STOM: variants seen among roughly 807,000 people sequenced by gnomAD.
The protein encoded by STOM is erythrocyte band 7 integral membrane protein.
STOM carries 25 observed loss-of-function variants against 30.6 expected under a neutral mutation model. The observed-to-expected ratio is 0.82, with a 90% confidence interval of 0.60 to 1.14. The LOEUF (loss-of-function observed/expected upper bound fraction) is 1.14. STOM is among the 50% of genes most tolerant of loss of function. STOM has a pLI of 0.00. For missense variants in STOM, 292 were observed against 365.2 expected, an observed-to-expected ratio of 0.80 and a Z score of 1.63; for synonymous variants, 118 against 130.8, an observed-to-expected ratio of 0.90 and a Z score of 0.67.
At chr9:121,351,276 G>A (rs76007017) in intron 4 of STOM, among the ~76,000 whole-genome samples, 3,712 of 152,310 alleles carry the variant, frequency 0.024, 70 homozygotes, top group Middle Eastern at 0.061. Flanking sequence ...TTCCTTAGAC[G>A]ATGGGAAAAC....
chr9:121,351,488 C>T (rs976508351), intron 4 of STOM, among the ~76,000 whole-genome samples: 1 of 152,250 alleles, frequency 6.6e-6, no homozygotes, highest in Non-Finnish European at 1.5e-5. Flanking sequence ...CATCACCATG[C>T]TGAGTATCTG....
rs2064550358 is a variant in STOM at position 121,370,107 on chromosome 9, T to C, written c.61+20A>G. ...CGGGGGCTCGGTCCACGGGGGAGGG[T>C]CAGGGGACGCGGGACTCACCCTTGA... is the stretch of plus-strand genomic sequence containing the variant. On this transcript the variant is annotated intron_variant, in intron 1 of 6. Coordinates refer to ENST00000286713, the MANE Select transcript of STOM (RefSeq NM_004099.6). The C allele has an allele frequency of 6.5e-7, 1 of 1,532,266 alleles. No homozygotes were observed. The highest frequency in any genetic ancestry group is 8.8e-7 in the Non-Finnish European group (1 of 1,140,156). 94.9% of individuals were successfully genotyped at this position (1,532,266 alleles called of 1,614,324 possible).
chr9:121,355,246 A>AAAT (rs1564630465), intron 2 of STOM, among the ~76,000 whole-genome samples: 2 of 147,744 alleles, frequency 1.4e-5, no homozygotes, highest in African/African-American at 5.0e-5. Context: ...AAAAAAAAAA[A>AAAT]AAAATAATAA....
At chr9:121,359,501 C>T (rs1165963795) in intron 1 of STOM, among the ~76,000 whole-genome samples, 1 of 151,840 alleles carries the variant, frequency 6.6e-6, no homozygotes, top group African/African-American at 2.4e-5. Flanking sequence ...GGCCATAGTA[C>T]TGTTTGTGAA....
intron 1 of STOM, among the ~76,000 whole-genome samples, chr9:121,359,461 A>G (rs1010045340): frequency 2.0e-5 from 3 of 152,166 alleles, no homozygotes; most frequent in Non-Finnish European, 4.4e-5. Context: ...GGGGGTACAG[A>G]CATATTCATT....
chr9:121,351,242 A>G (rs1362842885), intron 4 of STOM, among the ~76,000 whole-genome samples: 2 of 152,240 alleles, frequency 1.3e-5, no homozygotes, highest in Non-Finnish European at 2.9e-5. Context: ...AGCTACCCTG[A>G]AGGGCTCCTT....
intron 1 of STOM, among the ~76,000 whole-genome samples, chr9:121,357,310 T>C (rs1178093985): frequency 2.0e-5 from 3 of 151,662 alleles, no homozygotes; most frequent in African/African-American, 7.3e-5. Flanking sequence ...ACAAAGGTAA[T>C]AATGCAAAAA....
intron 6 of STOM, among the ~76,000 whole-genome samples, chr9:121,341,657 G>T (rs373037666): frequency 1.4e-4 from 21 of 152,034 alleles, no homozygotes; most frequent in African/African-American, 5.1e-4. Context: ...CATTTTCCAG[G>T]GTAACAAACA....
At chr9:121,355,231 C>CAA (rs762080105) in intron 2 of STOM, among the ~76,000 whole-genome samples, 35 of 83,380 alleles carry the variant, frequency 4.2e-4, no homozygotes, top group African/African-American at 8.5e-4. Flanking sequence ...GACTCCGTCT[C>CAA]AAAAAAAAAA....
In STOM at chr9:121,370,234, G is replaced by C; in HGVS notation, c.-47C>G. The C allele has an allele frequency of 6.5e-7, 1 of 1,528,602 alleles. No homozygotes were observed. The highest frequency in any genetic ancestry group is 8.8e-7 in the Non-Finnish European group (1 of 1,134,194). 94.7% of individuals were successfully genotyped at this position (1,528,602 alleles called of 1,614,324 possible). Reference sequence around the variant, plus strand: ...CTCCCCCGTCCTCGTTGCCAAACCCGGAGCCGCCGGGAATGCCCTGAGGAG... The same window carrying C: ...CTCCCCCGTCCTCGTTGCCAAACCCCGAGCCGCCGGGAATGCCCTGAGGAG... On this transcript the variant is annotated 5_prime_UTR_variant, in exon 1 of 7. Coordinates refer to ENST00000286713, the MANE Select transcript of STOM (RefSeq NM_004099.6).
chr9:121,358,476 A>G (rs186294235), intron 1 of STOM, among the ~76,000 whole-genome samples: 289 of 152,118 alleles, frequency 1.9e-3, no homozygotes, highest in African/African-American at 6.4e-3. Context: ...GGAAGGAAGG[A>G]AGGAAGGAAA....
intron 1 of STOM, chr9:121,369,860 T>C (rs960168276): frequency 4.3e-6 from 2 of 467,200 alleles, no homozygotes; most frequent in African/African-American, 3.9e-5. Flanking sequence ...AGCCCTGGCA[T>C]GGGGCTTGGC....
intron 1 of STOM, among the ~76,000 whole-genome samples, chr9:121,358,222 CGAGA>C (rs2064416131): frequency 6.6e-6 from 1 of 151,700 alleles, no homozygotes; most frequent in African/African-American, 2.4e-5. Context: ...TTTGGGAGGC[CGAGA>C]TGGGAGGATT....
At chr9:121,347,930 T>A (rs1349426554) in intron 6 of STOM, 85 bp downstream of exon 6, 1 of 1,463,088 alleles carries the variant, frequency 6.8e-7, no homozygotes, top group African/African-American at 1.4e-5. Context: ...TTCAAGTTTT[T>A]ACAGCAAGCA....
chr9:121,359,154 C>T (rs2064425900), intron 1 of STOM, among the ~76,000 whole-genome samples: 1 of 152,126 alleles, frequency 6.6e-6, no homozygotes, highest in Non-Finnish European at 1.5e-5. Context: ...ATGCCAGGCA[C>T]ATGTTACTGC....
chr9:121,366,351 A>C, intron 1 of STOM: 1 of 717,208 alleles, frequency 1.4e-6, no homozygotes, highest in Non-Finnish European at 1.7e-6. Flanking sequence ...AATTATCAAC[A>C]AGTGTGTGTC....
chr9:121,362,695 A>G (rs2064465119), intron 1 of STOM, among the ~76,000 whole-genome samples: 1 of 152,202 alleles, frequency 6.6e-6, no homozygotes, highest in South Asian at 2.1e-4. Flanking sequence ...CCTTACATAC[A>G]TGAGTATTTA....
In STOM at chr9:121,339,583, G is replaced by C; in HGVS notation, c.*1619C>G. ...AGAGAGCTATAAAGGCTCGTGCTGG[G>C]AAAGAAAGCTGTTATGCTTAGACTT... On this transcript the variant is annotated 3_prime_UTR_variant, in exon 7 of 7. Transcript: ENST00000286713. 1 of 1,231,480 alleles carries C rather than the reference G, an allele frequency of 8.1e-7. No homozygotes were observed. 76.3% of individuals were successfully genotyped at this position (1,231,480 alleles called of 1,614,324 possible).
chr9:121,343,330 C>T (rs917739732), intron 6 of STOM, among the ~76,000 whole-genome samples: 1 of 152,164 alleles, frequency 6.6e-6, no homozygotes, highest in Non-Finnish European at 1.5e-5. Context: ...AGTGAGATTT[C>T]ATTCACTCAC....
Sources: gnomAD v4.1 joint callset for allele counts (sites outside exome capture counted in the v4.1 genomes callset) on GRCh38, gnomAD v4.1.1 for gene constraint, MANE v1.5 for transcripts, NCBI Gene and HGNC (gene_info 2026-07-23, HGNC 2026-07-21) for gene names.